CAMK2G: variants seen among roughly 807,000 people sequenced by gnomAD.
CAMK2G encodes the protein calcium/calmodulin-dependent protein kinase type II subunit gamma.
CAMK2G carries 23 observed loss-of-function variants against 88.7 expected under a neutral mutation model. The observed-to-expected ratio is 0.26, with a 90% CI of 0.19 to 0.37. CAMK2G has a LOEUF of 0.37. Among genes scored for constraint, CAMK2G ranks in the 10% least tolerant of loss-of-function variants. The pLI, the probability that CAMK2G is intolerant of heterozygous loss-of-function variation, is 1.00. For synonymous variants in CAMK2G, 263 were observed against 294.8 expected (o/e 0.89, Z 1.11); for missense variants, 476 against 780.8 (o/e 0.61, Z 4.65).
intron 4 of CAMK2G, 26 bp from the exon 5 acceptor site, chr10:73,852,345 C>T (rs779058617): frequency 6.2e-7 from 1 of 1,606,696 alleles, no homozygotes; most frequent in Non-Finnish European, 8.5e-7. Context: ...AGAAGAGGGT[C>T]AGAGGCAGAA....
At chr10:73,823,906 G>T (rs1433775603) in intron 17 of CAMK2G, 134 bp downstream of exon 17, 3 of 762,838 alleles carry the variant, frequency 3.9e-6, no homozygotes, top group Non-Finnish European at 7.1e-6. Context: ...TGGAGCAACT[G>T]TGGGCACAGG....
chr10:73,819,078 T>TTAA (rs2133226317), intron 19 of CAMK2G, among the ~76,000 whole-genome samples: 1 of 152,218 alleles, frequency 6.6e-6, no homozygotes, highest in Admixed American at 6.5e-5. Context: ...TAGCTGGGAT[T>TTAA]TAAACTCAGA....
intron 19 of CAMK2G, 116 bp from the exon 20 acceptor site, chr10:73,817,670 C>A: frequency 1.4e-6 from 1 of 726,708 alleles, no homozygotes; most frequent in Non-Finnish European, 2.5e-6. Flanking sequence ...CATCCCTCTT[C>A]TCTGTCTCTA....
intron 3 of CAMK2G, among the ~76,000 whole-genome samples, chr10:73,854,193 A>T (rs2135222909): frequency 6.6e-6 from 1 of 152,316 alleles, no homozygotes; most frequent in South Asian, 2.1e-4. Flanking sequence ...ACCACTTACA[A>T]ATGTCCCTAA....
At chr10:73,815,907 T>C (rs1464000320) in intron 21 of CAMK2G, 2 of 984,814 alleles carry the variant, frequency 2.0e-6, no homozygotes, top group South Asian at 4.7e-5. Context: ...ATTCACATTT[T>C]AGTTCAATTC....
intron 19 of CAMK2G, chr10:73,818,276 A>G: frequency 5.2e-6 from 1 of 192,872 alleles, no homozygotes; most frequent in Non-Finnish European, 1.1e-5. Context: ...TCCTCAGGAA[A>G]ACCAGACAGG....
intron 2 of CAMK2G, among the ~76,000 whole-genome samples, chr10:73,864,777 G>A (rs2095523171): frequency 1.3e-5 from 2 of 152,058 alleles, no homozygotes; most frequent in Admixed American, 1.3e-4. Flanking sequence ...CGAGTAGCTG[G>A]GACTGCAGGC....
intron 17 of CAMK2G, among the ~76,000 whole-genome samples, chr10:73,822,554 CTTCTCCT>C (rs1374374419): frequency 6.6e-6 from 1 of 152,200 alleles, no homozygotes; most frequent in Non-Finnish European, 1.5e-5. Context: ...CTCCCAATAG[CTTCTCCT>C]TGCTGCTGGA....
At chr10:73,850,932 G>A (rs2094568066) in intron 5 of CAMK2G, among the ~76,000 whole-genome samples, 2 of 152,166 alleles carry the variant, frequency 1.3e-5, no homozygotes, top group South Asian at 2.1e-4. Flanking sequence ...GCAAAAGTGC[G>A]AAGTGTCCCA....
At chr10:73,855,553 C>G (rs559444152) in intron 3 of CAMK2G, among the ~76,000 whole-genome samples, 25 of 152,350 alleles carry the variant, frequency 1.6e-4, no homozygotes, top group African/African-American at 5.8e-4. Context: ...CCACACCACC[C>G]TGCCCCCGCC....
At chr10:73,817,391 C>G (rs1028733223) in intron 20 of CAMK2G, 88 bp downstream of exon 20, 2 of 1,028,002 alleles carry the variant, frequency 1.9e-6, no homozygotes, top group African/African-American at 3.2e-5. Flanking sequence ...TCCAACCTCC[C>G]TTTCCCCAGG....
At position 73,819,534 on chromosome 10, in the gene CAMK2G, G is replaced by A. The variant is rs2087019133; in HGVS notation, c.1361C>T (p.Ala454Val). The A allele has an allele frequency of 6.5e-6, 10 of 1,544,736 alleles. No homozygotes were observed. The East Asian group carries it at 2.2e-4, about 34-fold the overall frequency. ...GAATGTGCCTCCCTCACACTTACTG[G>A]CTGAGGAGCAGAGAGAAGGCTGGGG... ...MQPQPSLCSS[A>V]MRKQEIIKIT... Residue 454 changes from alanine to valine, a missense_variant and splice_region_variant, in exon 19 of 23, where the codon GCC becomes GTC. Around this residue, in one of 3 missense-constraint regions of CAMK2G, gnomAD observed 278 missense variants for 366.5 expected, o/e 0.76. Transcript: ENST00000423381.
chr10:73,841,980 G>T, intron 12 of CAMK2G, 189 bp downstream of exon 12: 1 of 622,150 alleles, frequency 1.6e-6, no homozygotes, highest in Non-Finnish European at 2.9e-6. Context: ...ACAAATGTGA[G>T]TCCAGCCCCC....
intron 14 of CAMK2G, among the ~76,000 whole-genome samples, chr10:73,836,479 G>A (rs764310450): frequency 2.0e-5 from 3 of 152,174 alleles, no homozygotes; most frequent in African/African-American, 2.4e-5. Context: ...CTTGGGGACC[G>A]CACGATGCCC....
In CAMK2G at chr10:73,859,610, C is replaced by T. The variant is rs138520058; in HGVS notation, c.220+1220G>A. On this transcript the variant is annotated intron_variant, in intron 3 of 22. Coordinates refer to ENST00000423381, the MANE Select transcript of CAMK2G (RefSeq NM_001367534.1). ...GCTCCAGTAGTTCTGCGGCCAGGAA[C>T]CCACCAGCTGAGAGGTGCTGGCTCT... Among the ~76,000 whole-genome samples, 346 of 152,312 alleles carry T rather than the reference C, an allele frequency of 2.3e-3. 2 individuals are homozygous for T. The highest frequency in any genetic ancestry group is 2.6e-3 in the Non-Finnish European group (176 of 68,016).
At chr10:73,859,329 C>T (rs1448116714) in intron 3 of CAMK2G, among the ~76,000 whole-genome samples, 1 of 152,226 alleles carries the variant, frequency 6.6e-6, no homozygotes, top group African/African-American at 2.4e-5. Flanking sequence ...GGTGGGGGCT[C>T]AGCAGAGCCA....
chr10:73,859,325 G>T (rs2095258296), intron 3 of CAMK2G, among the ~76,000 whole-genome samples: 1 of 152,224 alleles, frequency 6.6e-6, no homozygotes, highest in South Asian at 2.1e-4. Flanking sequence ...GCAAGGTGGG[G>T]GCTCAGCAGA....
intron 2 of CAMK2G, among the ~76,000 whole-genome samples, chr10:73,863,868 G>A (rs79813990): frequency 8.0e-4 from 122 of 152,236 alleles, no homozygotes; most frequent in African/African-American, 2.8e-3. Context: ...CTGTGTTCCC[G>A]GCAAGGCCCA....
intron 13 of CAMK2G, among the ~76,000 whole-genome samples, chr10:73,838,214 G>A (rs1452579852): frequency 6.6e-6 from 1 of 152,212 alleles, no homozygotes; most frequent in Non-Finnish European, 1.5e-5. Context: ...GTGCCAGAAG[G>A]CTGGTGACAC....
Sources: gnomAD v4.1 joint callset for allele counts (sites outside exome capture counted in the v4.1 genomes callset) on GRCh38, gnomAD v4.1.1 for gene constraint, gnomAD v4.1.1 regional missense constraint, MANE v1.5 for transcripts, NCBI Gene and HGNC (gene_info 2026-07-23, HGNC 2026-07-21) for gene names.